PLEKHH1: variants seen among roughly 807,000 people sequenced by gnomAD.
PLEKHH1 encodes the protein pleckstrin homology domain-containing family H member 1.
In PLEKHH1, 104 loss-of-function variants were observed where a neutral mutation model predicts 160.0. The observed-to-expected ratio is 0.65, with a 90% CI of 0.55 to 0.76. The LOEUF is 0.76. Among genes scored for constraint, PLEKHH1 ranks in the 30% least tolerant of loss-of-function variants. The pLI, the probability that PLEKHH1 is intolerant of heterozygous loss-of-function variation, is 0.00. For synonymous variants in PLEKHH1, 619 were observed against 678.4 expected (o/e 0.91, Z 1.36); for missense variants, 1,427 against 1,724.1 (o/e 0.83, Z 3.05).
At chr14:67,558,293 G>A (rs1249020333) in intron 4 of PLEKHH1, among the ~76,000 whole-genome samples, 2 of 152,004 alleles carry the variant, frequency 1.3e-5, no homozygotes, top group East Asian at 3.9e-4. Context: ...TCCTACACAT[G>A]CCTTCTCCAT....
intron 5 of PLEKHH1, among the ~76,000 whole-genome samples, chr14:67,561,478 G>A (rs1164621865): frequency 1.3e-5 from 2 of 152,118 alleles, no homozygotes; most frequent in Non-Finnish European, 2.9e-5. Context: ...GTGGGAGGAT[G>A]GTTTGAGCCC....
chr14:67,579,301 G>A lies in PLEKHH1; in HGVS notation c.3017G>A (p.Gly1006Glu). Residue 1006 changes from glycine to glutamate, a missense_variant, in exon 21 of 29, where the codon GGG (glycine) becomes GAG (glutamate). Transcript: ENST00000329153. ...AGCATCCCCGTGCACTTTACCAACG[G>A]GACTTACCATGTGAGGAGCTGGGCG... The part of the protein sequence containing the change: ...PFSIPVHFTN[G>E]TYHVVGFDGS... 6.5e-7 allele frequency: 1 copy of A among 1,531,868 alleles called. No homozygotes were observed. Among genetic ancestry groups the A allele is most frequent in the Non-Finnish European group, 8.8e-7 (1 of 1,142,760 alleles). The allele number at this position is 1,531,868 out of a possible 1,614,324, so 94.9% of individuals were successfully genotyped here. A position where few individuals can be genotyped will look rare whatever the true frequency, so the allele number is the denominator to read the frequency against.
At chr14:67,539,232 G>GT (rs1382923341) in intron 1 of PLEKHH1, among the ~76,000 whole-genome samples, 1 of 152,172 alleles carries the variant, frequency 6.6e-6, no homozygotes, top group Non-Finnish European at 1.5e-5. Context: ...ACAAGGTTCT[G>GT]TTTTGTCTTT....
At position 67,538,037 on chromosome 14, in the gene PLEKHH1, C is replaced by T. The variant is rs181797970; in HGVS notation, c.-34-3797C>T. On this transcript the variant is annotated intron_variant, in intron 1 of 28. Transcript: ENST00000329153. ...GGCCAACAGCTGATCGTAATTTTAG[C>T]GGGGTATTGGGGACAGAGGGACTTA... is the stretch of plus-strand genomic sequence containing the variant. Among the ~76,000 whole-genome samples, 436 of 152,216 alleles carry T rather than the reference C, an allele frequency of 2.9e-3. 1 individual carries two copies. Among genetic ancestry groups the T allele is most frequent in the Non-Finnish European group, 3.0e-3 (203 of 68,006 alleles).
Position 67,562,137 on chromosome 14 carries a change from C to A in PLEKHH1, c.506C>A (p.Ala169Asp). The change falls in exon 7 of 29, where the codon GCT becomes GAT. Residue 169 changes from alanine (A) to aspartate (D), a missense_variant and splice_region_variant. By Grantham distance (126) the Ala-to-Asp change is moderately radical. Transcript: ENST00000329153. Reference sequence around the variant, plus strand: ...GTGACTGTTTTTACCCGAATCACAGCTATTCAGATAGCTCCTTCACGGAAG... The same window carrying A: ...GTGACTGTTTTTACCCGAATCACAGATATTCAGATAGCTCCTTCACGGAAG... The part of the protein sequence containing the change: ...QVGSLQDALE[A>D]IQIAPSRKLL... 1 of 1,611,300 alleles carries A rather than the reference C, an allele frequency of 6.2e-7. No homozygotes were observed. Among genetic ancestry groups the A allele is most frequent in the Non-Finnish European group, 8.5e-7 (1 of 1,178,090 alleles).
rs368634242 is a variant in PLEKHH1, at chr14:67,575,641, T to C, written c.2169+169T>C. The stretch of plus-strand genomic sequence containing the variant: ...AGATTCTGCCTGTCTGGGTCTCTGG[T>C]GCTTCTCCAAGCAAGCCTCATTCTG... On this transcript the variant is annotated intron_variant, in intron 15 of 28. Coordinates refer to ENST00000329153, the MANE Select transcript of PLEKHH1 (RefSeq NM_020715.3). 2.6e-5 allele frequency: 18 copies of C among 702,444 alleles called. No homozygotes were observed. In the African/African-American group the frequency reaches 2.8e-4, roughly 11 times the overall value. 43.5% of individuals were successfully genotyped at this position (702,444 alleles called of 1,614,324 possible).
At chr14:67,545,032 T>C (rs1340706164) in intron 2 of PLEKHH1, among the ~76,000 whole-genome samples, 1 of 152,250 alleles carries the variant, frequency 6.6e-6, no homozygotes, top group African/African-American at 2.4e-5. Context: ...ATTGTTTGGC[T>C]GCTGTAAGAA....
chr14:67,536,092 T>C (rs2033705029), intron 1 of PLEKHH1, among the ~76,000 whole-genome samples: 1 of 152,076 alleles, frequency 6.6e-6, no homozygotes, highest in South Asian at 2.1e-4. Flanking sequence ...TTGCTGTTTT[T>C]GTTCTCAAGG....
At chr14:67,554,657 G>A (rs1342868700) in intron 2 of PLEKHH1, among the ~76,000 whole-genome samples, 1 of 152,184 alleles carries the variant, frequency 6.6e-6, no homozygotes, top group Admixed American at 6.5e-5. Context: ...GCCCTGGCAG[G>A]GGAAGAATGG....
Position 67,562,458 on chromosome 14 carries a change from G to A in PLEKHH1, c.827G>A (p.Arg276Lys), listed in dbSNP as rs2034884790. 5 of 1,613,902 alleles carry A rather than the reference G, an allele frequency of 3.1e-6. No homozygotes were observed. Among genetic ancestry groups the A allele is most frequent in the African/African-American group, 1.3e-5 (1 of 75,058 alleles). Residue 276 changes from arginine to lysine, a missense_variant, in exon 7 of 29, where the codon AGA becomes AAA. Coordinates refer to ENST00000329153, the MANE Select transcript of PLEKHH1 (RefSeq NM_020715.3). ...CCATGCATGAAGCTTCTTACCTTCA[G>A]ATGTAGTTCAGCTTCCTGGGGTGAG... ...HQPCMKLLTFRCSSASWGEGL... is the reference protein window; with the variant it reads ...HQPCMKLLTFKCSSASWGEGL...
At chr14:67,537,384 ACT>A (rs1449407134) in intron 1 of PLEKHH1, among the ~76,000 whole-genome samples, 4 of 139,484 alleles carry the variant, frequency 2.9e-5, no homozygotes, top group Non-Finnish European at 6.1e-5. Flanking sequence ...AATAATAAAA[ACT>A]TAATCTTAGG....
Position 67,578,470 on chromosome 14 carries a change from G to A in PLEKHH1, c.2752-64G>A. 1 of 1,144,142 alleles carries A rather than the reference G, an allele frequency of 8.7e-7. No homozygotes were observed. Among genetic ancestry groups the A allele is most frequent in the Non-Finnish European group, 1.3e-6 (1 of 772,658 alleles). 70.9% of individuals were successfully genotyped at this position (1,144,142 alleles called of 1,614,324 possible). Reference sequence around the variant, plus strand: ...GAGTGCTGAAGGCTCTGTAGCTCAGGGCTATGAGGACAGGTGGTGCTGTAG... The same window carrying A: ...GAGTGCTGAAGGCTCTGTAGCTCAGAGCTATGAGGACAGGTGGTGCTGTAG... On this transcript the variant is annotated intron_variant, in intron 19 of 28. Coordinates refer to ENST00000329153, the MANE Select transcript of PLEKHH1 (RefSeq NM_020715.3). The surrounding 1 kb of genome is among the most constrained non-coding windows in gnomAD (Gnocchi z 5.0).
intron 1 of PLEKHH1, among the ~76,000 whole-genome samples, chr14:67,537,680 A>C (rs2033794795): frequency 6.6e-6 from 1 of 152,130 alleles, no homozygotes. Flanking sequence ...AAAAAGAAAA[A>C]AAAGTAATCT....
At chr14:67,546,872 A>G (rs775199367) in intron 2 of PLEKHH1, among the ~76,000 whole-genome samples, 3 of 152,076 alleles carry the variant, frequency 2.0e-5, no homozygotes, top group Non-Finnish European at 1.5e-5. Flanking sequence ...CAAAGGATAT[A>G]TATATATTTT....
chr14:67,570,001 G>A lies in PLEKHH1; in HGVS notation c.1423G>A (p.Ala475Thr). Residue 475 changes from alanine (A) to threonine (T), a missense_variant, in exon 9 of 29, where the codon GCA becomes ACA. Around this residue, in one of 6 missense-constraint regions of PLEKHH1, gnomAD observed 831 missense variants for 929.2 expected, o/e 0.89. Coordinates refer to ENST00000329153, the MANE Select transcript of PLEKHH1 (RefSeq NM_020715.3). The part of the protein sequence containing the change: ...YKNVTVPVYT[A>T]LKGRATQISN... The stretch of plus-strand genomic sequence containing the variant: ...GAATGTCACTGTGCCTGTCTACACA[G>A]CACTGAAGGGGGTAAGAAACTGCTG... The A allele has an allele frequency of 6.3e-7, 1 of 1,594,764 alleles. No homozygotes were observed. The highest frequency in any genetic ancestry group is 8.6e-7 in the Non-Finnish European group (1 of 1,166,512).
intron 7 of PLEKHH1, 101 bp from the exon 8 acceptor site, chr14:67,569,037 G>A (rs2035242737): frequency 1.3e-6 from 1 of 742,244 alleles, no homozygotes; most frequent in Non-Finnish European, 2.3e-6. Flanking sequence ...CCCCCCACAG[G>A]TCTGCCCACC....
At chr14:67,570,094 T>A in intron 9 of PLEKHH1, 82 bp downstream of exon 9, 1 of 987,730 alleles carries the variant, frequency 1.0e-6, no homozygotes, top group Non-Finnish European at 1.6e-6. Flanking sequence ...GGCGGGGCTC[T>A]AGGGCCAGGC....
chr14:67,571,999 C>G, intron 10 of PLEKHH1, 97 bp downstream of exon 10: 4 of 1,492,686 alleles, frequency 2.7e-6, no homozygotes, highest in Non-Finnish European at 3.6e-6. Context: ...TTGATCTGAG[C>G]TCGTGACCCC....
Position 67,573,571 on chromosome 14 carries a change from C to T in PLEKHH1, c.1839+185C>T, listed in dbSNP as rs956108924. Among the ~76,000 whole-genome samples the T allele has an allele frequency of 2.6e-5, 4 of 152,256 alleles. No individual in the cohort carries two copies. Among genetic ancestry groups the T allele is most frequent in the Non-Finnish European group, 4.4e-5 (3 of 68,014 alleles). ...CCACACTTGGGGACCTAAGCCTGGCCGTGAGTTTCAGAATGAAATAGGGAG... is the reference window on the plus strand; with the variant it reads ...CCACACTTGGGGACCTAAGCCTGGCTGTGAGTTTCAGAATGAAATAGGGAG... On this transcript the variant is annotated intron_variant, in intron 12 of 28. Coordinates refer to ENST00000329153, the MANE Select transcript of PLEKHH1 (RefSeq NM_020715.3). The surrounding 1 kb of genome is among the most constrained non-coding windows in gnomAD (Gnocchi z 4.8).
Sources: gnomAD v4.1 joint callset for allele counts (sites outside exome capture counted in the v4.1 genomes callset) on GRCh38, gnomAD v4.1.1 for gene constraint, gnomAD v4.1.1 regional missense constraint, Gnocchi (gnomAD v3.1) non-coding constraint, MANE v1.5 for transcripts, NCBI Gene and HGNC (gene_info 2026-07-23, HGNC 2026-07-21) for gene names.